RASAL2: variants seen among roughly 807,000 people sequenced by gnomAD.
RASAL2 encodes the protein ras GTPase-activating protein nGAP.
RASAL2 carries 58 observed loss-of-function variants against 128.9 expected under a neutral mutation model. The observed-to-expected ratio is 0.45, with a 90% confidence interval of 0.36 to 0.56. The LOEUF (loss-of-function observed/expected upper bound fraction) is 0.56. Ranked by LOEUF, RASAL2 falls within the 20% of genes least tolerant of loss-of-function variation. The probability of loss-of-function intolerance (pLI) is 0.00; values close to 1 mark genes in which losing one functional copy is unlikely to be tolerated. For missense variants in RASAL2, 1,360 were observed against 1,601.6 expected (o/e 0.85, Z 2.57); for synonymous variants, 561 against 580.8 (o/e 0.97, Z 0.49).
intron 5 of RASAL2, among the ~76,000 whole-genome samples, chr1:178,431,755 A>G (rs1049997398): frequency 6.6e-6 from 1 of 151,916 alleles, no homozygotes; most frequent in African/African-American, 2.4e-5. Context: ...GTATATCTGT[A>G]GGTTCCAATA....
chr1:178,441,510 A>G, intron 6 of RASAL2, 39 bp from the exon 7 acceptor site: 1 of 1,460,520 alleles, frequency 6.8e-7, no homozygotes, highest in Non-Finnish European at 9.6e-7. Context: ...CCTGAAATCC[A>G]GTGTTTTCTT....
At chr1:178,244,072 TA>T (rs1664649973) in intron 1 of RASAL2, among the ~76,000 whole-genome samples, 1 of 152,218 alleles carries the variant, frequency 6.6e-6, no homozygotes, top group Non-Finnish European at 1.5e-5. Flanking sequence ...TGTGAAATTT[TA>T]TCTTTTTGCA....
At chr1:178,455,853 T>C (rs1048404989) in intron 12 of RASAL2, among the ~76,000 whole-genome samples, 1 of 152,020 alleles carries the variant, frequency 6.6e-6, no homozygotes, top group Non-Finnish European at 1.5e-5. Flanking sequence ...ATTCCCTAAA[T>C]AAAAAAATGA....
intron 1 of RASAL2, among the ~76,000 whole-genome samples, chr1:178,179,585 G>A (rs747884495): frequency 2.6e-5 from 4 of 152,184 alleles, no homozygotes; most frequent in Non-Finnish European, 5.9e-5. Context: ...AGCAACTGAT[G>A]TAGATCGTTT....
In RASAL2 at chr1:178,443,010, A is replaced by G. The variant is rs1676772444; in HGVS notation, c.1263A>G (p.Thr421=). ...AGTGGTATCCAGTGAGTACACCTAC[A>G]CCCAACAAAGGAAAGACAGGAGGAC... ...VEKWYPVSTP[T]PNKGKTGGPS... The change falls in exon 8 of 18, where the codon ACA becomes ACG. Residue 421 remains threonine (T), a synonymous_variant. Coordinates refer to ENST00000367649, the MANE Select transcript of RASAL2 (RefSeq NM_170692.4). The G allele has an allele frequency of 2.5e-6, 4 of 1,614,076 alleles. No individual in the cohort carries two copies. The highest frequency in any genetic ancestry group is 3.4e-6 in the Non-Finnish European group (4 of 1,179,978).
At chr1:178,377,694 G>A (rs1672065444) in intron 3 of RASAL2, among the ~76,000 whole-genome samples, 1 of 152,096 alleles carries the variant, frequency 6.6e-6, no homozygotes, top group Non-Finnish European at 1.5e-5. Context: ...GGTAGGTGAG[G>A]TGGGAGGGGG....
intron 3 of RASAL2, among the ~76,000 whole-genome samples, chr1:178,385,786 A>C (rs1672532373): frequency 6.6e-6 from 1 of 152,022 alleles, no homozygotes; most frequent in African/African-American, 2.4e-5. Context: ...CACCAATCCC[A>C]CTGGCCTCTT....
chr1:178,363,731 G>T (rs1671246008), intron 3 of RASAL2, among the ~76,000 whole-genome samples: 2 of 152,146 alleles, frequency 1.3e-5, no homozygotes, highest in Admixed American at 1.3e-4. Context: ...AAATCCTTTT[G>T]TTAAGAGATT....
chr1:178,171,982 C>G (rs1661721258), intron 1 of RASAL2, among the ~76,000 whole-genome samples: 1 of 151,902 alleles, frequency 6.6e-6, no homozygotes, highest in Non-Finnish European at 1.5e-5. Context: ...CCAACGTTTC[C>G]CTTTCCTTTT....
At chr1:178,151,091 A>G (rs1660899378) in intron 1 of RASAL2, among the ~76,000 whole-genome samples, 1 of 152,148 alleles carries the variant, frequency 6.6e-6, no homozygotes, top group Admixed American at 6.5e-5. Context: ...ATGTTAATGA[A>G]TCAACAATAT....
At chr1:178,254,072 G>A (rs576522938) in intron 1 of RASAL2, among the ~76,000 whole-genome samples, 26 of 152,242 alleles carry the variant, frequency 1.7e-4, no homozygotes, top group African/African-American at 4.8e-4. Flanking sequence ...GGAGCCATTC[G>A]TCTCCATCAT....
chr1:178,269,646 G>A lies in RASAL2; in HGVS notation c.203-13918G>A, dbSNP rs535445816. ...TCCTCACTTCTACACTCCCACCAGCGCCATGACAGTTTACAAATGCCATGA... is the reference window on the plus strand; with the variant it reads ...TCCTCACTTCTACACTCCCACCAGCACCATGACAGTTTACAAATGCCATGA... On this transcript the variant is annotated intron_variant, in intron 1 of 17. Coordinates refer to ENST00000367649, the MANE Select transcript of RASAL2 (RefSeq NM_170692.4). Among the ~76,000 whole-genome samples the A allele has an allele frequency of 5.9e-5, 9 of 152,210 alleles. No individual in the cohort carries two copies. In the East Asian group the frequency reaches 1.5e-3, roughly 26 times the overall value.
chr1:178,344,183 T>C (rs897842182), intron 3 of RASAL2, among the ~76,000 whole-genome samples: 5 of 152,178 alleles, frequency 3.3e-5, no homozygotes, highest in Non-Finnish European at 7.4e-5. Flanking sequence ...TATATTAAAT[T>C]TTCAAAGAAG....
intron 3 of RASAL2, among the ~76,000 whole-genome samples, chr1:178,312,763 C>T (rs934977861): frequency 4.6e-5 from 7 of 152,218 alleles, no homozygotes; most frequent in African/African-American, 1.2e-4. Context: ...CAATAGGAAG[C>T]GCATTTGTGG....
intron 1 of RASAL2, among the ~76,000 whole-genome samples, chr1:178,220,263 C>T (rs1398655935): frequency 6.6e-6 from 1 of 152,050 alleles, no homozygotes. Context: ...TATAGGATGA[C>T]TAATTGTCCT....
intron 1 of RASAL2, among the ~76,000 whole-genome samples, chr1:178,260,842 T>A (rs1184629795): frequency 2.6e-5 from 4 of 152,192 alleles, no homozygotes; most frequent in Non-Finnish European, 4.4e-5. Context: ...TCTGCACCCA[T>A]CAGTTGTAAG....
At chr1:178,217,337 G>A (rs1034831098) in intron 1 of RASAL2, among the ~76,000 whole-genome samples, 1 of 152,112 alleles carries the variant, frequency 6.6e-6, no homozygotes, top group African/African-American at 2.4e-5. Flanking sequence ...AAAATACAAA[G>A]AAGTCCCATG....
At chr1:178,464,463 C>CT (rs1198910633) in intron 15 of RASAL2, 51 bp downstream of exon 15, 5 of 1,596,030 alleles carry the variant, frequency 3.1e-6, no homozygotes, top group Non-Finnish European at 3.4e-6. Flanking sequence ...TGACAGGCCA[C>CT]TAAAAAGGTT....
At chr1:178,454,152 A>C (rs1019382192) in intron 11 of RASAL2, among the ~76,000 whole-genome samples, 1 of 148,610 alleles carries the variant, frequency 6.7e-6, no homozygotes, top group African/African-American at 2.5e-5. Context: ...AGCTTTTGGT[A>C]GGTAAGTGAG....
Sources: gnomAD v4.1 joint callset for allele counts (sites outside exome capture counted in the v4.1 genomes callset) on GRCh38, gnomAD v4.1.1 for gene constraint, MANE v1.5 for transcripts, NCBI Gene and HGNC (gene_info 2026-07-23, HGNC 2026-07-21) for gene names.